The following NINL variants were observed in gnomAD, a reference collection of about 807,000 sequenced individuals.
The protein encoded by NINL is ninein like.
A neutral mutation model predicts 160.3 loss-of-function variants in NINL; 153 were observed. The observed-to-expected ratio is 0.95, with a 90% confidence interval of 0.84 to 1.09. NINL has a LOEUF of 1.09. NINL is among the 50% of genes least tolerant of loss of function. NINL has a pLI of 0.00. For missense variants in NINL, 1,829 were observed against 1,764.0 expected, an observed-to-expected ratio of 1.04 and a Z score of -0.66; for synonymous variants, 800 against 734.8, an observed-to-expected ratio of 1.09 and a Z score of -1.43.
rs889029052 is a variant in NINL at position 25,455,549 on chromosome 20, A to G, written c.3957+124T>C. On this transcript the variant is annotated intron_variant, in intron 23 of 23. Coordinates refer to ENST00000278886, the MANE Select transcript of NINL (RefSeq NM_025176.6). ...TGTGCACCTGCAGTGTAGGGTATAC[A>G]TTTAGTTCCCTGGAATTCTGTGACA... 1.5e-5 allele frequency: 11 copies of G among 715,998 alleles called. No individual in the cohort carries two copies. In the African/African-American group the frequency reaches 1.6e-4, roughly 10 times the overall value. 44.4% of individuals were successfully genotyped at this position (715,998 alleles called of 1,614,324 possible). A position where few individuals can be genotyped will look rare whatever the true frequency, so the allele number is the denominator to read the frequency against.
chr20:25,499,881 T>C (rs903071585), intron 8 of NINL, among the ~76,000 whole-genome samples: 20 of 143,392 alleles, frequency 1.4e-4, no homozygotes, highest in Non-Finnish European at 2.7e-4. Flanking sequence ...AATGCCCAGA[T>C]TTATCATAGG....
intron 18 of NINL, among the ~76,000 whole-genome samples, chr20:25,468,082 A>AC (rs2062961792): frequency 6.6e-6 from 1 of 152,250 alleles, no homozygotes; most frequent in South Asian, 2.1e-4. Context: ...GGGAAAAAAA[A>AC]AGGCCAAACA....
chr20:25,563,841 T>C lies in NINL; in HGVS notation c.-12+21614A>G, dbSNP rs2064971239. 3.3e-5 allele frequency among the ~76,000 whole-genome samples: 5 copies of C among 152,310 alleles called. 1 individual carries two copies. The highest frequency in any genetic ancestry group is 1.2e-4 in the African/African-American group (5 of 41,568). ...GCCAAGAAGACACAGAAATCCTAAA[T>C]GTATACTTGTCCTTAGTGTCAAGAG... On this transcript the variant is annotated intron_variant, in intron 1 of 23. Transcript: ENST00000278886.
intron 1 of NINL, among the ~76,000 whole-genome samples, chr20:25,582,933 A>G (rs2065189775): frequency 1.3e-5 from 2 of 152,378 alleles, no homozygotes; most frequent in Middle Eastern, 3.4e-3. Flanking sequence ...AGCCATATGC[A>G]GTAAACAGAA....
rs1022166017 is a variant in NINL, at chr20:25,584,830, CAG to C, written c.-12+623_-12+624del. 3.3e-5 allele frequency among the ~76,000 whole-genome samples: 5 copies of C among 152,346 alleles called. No individual in the cohort carries two copies. In the South Asian group the frequency reaches 6.2e-4, roughly 19 times the overall value. ...TCGATGATTATGAACCCAACGCGAT[CAG>C]AGACTCCCACATGGTGTGTGTGACT... On this transcript the variant is annotated intron_variant, in intron 1 of 23. Coordinates refer to ENST00000278886, the MANE Select transcript of NINL (RefSeq NM_025176.6).
chr20:25,524,931 G>GTATATA (rs59291392), intron 2 of NINL, among the ~76,000 whole-genome samples: 3 of 146,468 alleles, frequency 2.0e-5, no homozygotes, highest in African/African-American at 7.5e-5. Flanking sequence ...ATATGTGTGT[G>GTATATA]TATATATATA....
At chr20:25,567,284 A>G (rs991846380) in intron 1 of NINL, among the ~76,000 whole-genome samples, 7 of 152,216 alleles carry the variant, frequency 4.6e-5, no homozygotes, top group African/African-American at 1.4e-4. Flanking sequence ...TTCAACAGCT[A>G]TGAGACAATT....
intron 9 of NINL, among the ~76,000 whole-genome samples, chr20:25,497,265 C>G (rs1446466713): frequency 6.6e-6 from 1 of 152,270 alleles, no homozygotes; most frequent in Non-Finnish European, 1.5e-5. Flanking sequence ...CACCAGAGCA[C>G]AACGCAGTGG....
At chr20:25,502,682 A>C (rs1341675561) in intron 7 of NINL, among the ~76,000 whole-genome samples, 1 of 152,010 alleles carries the variant, frequency 6.6e-6, no homozygotes, top group Non-Finnish European at 1.5e-5. Flanking sequence ...CTTAGTACTG[A>C]CCTCATGATA....
chr20:25,461,451 C>T (rs549542302), intron 21 of NINL, 71 bp downstream of exon 21: 15 of 904,710 alleles, frequency 1.7e-5, no homozygotes, highest in African/African-American at 6.8e-5. Flanking sequence ...CTGGCAACAC[C>T]GTTGGCACTG....
At chr20:25,531,299 C>T (rs976327782) in intron 1 of NINL, among the ~76,000 whole-genome samples, 6 of 152,104 alleles carry the variant, frequency 3.9e-5, no homozygotes, top group African/African-American at 1.4e-4. Context: ...ACATGCTCTA[C>T]AAACAATTTG....
At chr20:25,580,101 G>A (rs558513775) in intron 1 of NINL, among the ~76,000 whole-genome samples, 1 of 152,314 alleles carries the variant, frequency 6.6e-6, no homozygotes, top group Admixed American at 6.5e-5. Context: ...GGGAGGCCGA[G>A]GCGGGTGGAT....
chr20:25,455,140 C>T (rs1179095877), intron 23 of NINL, among the ~76,000 whole-genome samples: 1 of 152,134 alleles, frequency 6.6e-6, no homozygotes, highest in Non-Finnish European at 1.5e-5. Flanking sequence ...ACTGAGCCTT[C>T]CAAATGCCAC....
intron 11 of NINL, among the ~76,000 whole-genome samples, chr20:25,490,746 G>A (rs1020333142): frequency 6.6e-6 from 1 of 152,106 alleles, no homozygotes; most frequent in African/African-American, 2.4e-5. Flanking sequence ...CAGTGAGAAG[G>A]GTGGAGAGCA....
intron 5 of NINL, among the ~76,000 whole-genome samples, chr20:25,508,886 C>T (rs1325914729): frequency 3.3e-5 from 5 of 152,222 alleles, no homozygotes; most frequent in African/African-American, 7.2e-5. Context: ...TCAATGCCTC[C>T]GGCCTTCCTC....
In NINL at chr20:25,476,727, T is replaced by TC. The variant is rs771981023; in HGVS notation, c.2563dup (p.Glu855GlyfsTer11). The TC allele has an allele frequency of 1.7e-5, 28 of 1,604,002 alleles. No individual in the cohort carries two copies. The highest frequency in any genetic ancestry group is 2.3e-5 in the Non-Finnish European group (27 of 1,178,610). On this transcript the variant is annotated frameshift_variant, in exon 17 of 24. Coordinates refer to ENST00000278886, the MANE Select transcript of NINL (RefSeq NM_025176.6). LOFTEE classifies it high-confidence loss of function. Reference sequence around the variant, plus strand: ...TGGGGCCAGCCAGGCCAGTGGCCGCTCCCCACAGCCCGGACGCAGTGGTAG... The same window carrying TC: ...TGGGGCCAGCCAGGCCAGTGGCCGCTCCCCCACAGCCCGGACGCAGTGGTAG...
Position 25,575,430 on chromosome 20 carries a change from G to C in NINL, c.-12+10025C>G, listed in dbSNP as rs555157800. ...CCACTACACTCCAGCCTGGGCAACA[G>C]AGCGAGACTCCGTCTCAAAAAAAAA... On this transcript the variant is annotated intron_variant, in intron 1 of 23. Transcript: ENST00000278886. Among the ~76,000 whole-genome samples the C allele has an allele frequency of 7.0e-4, 92 of 131,300 alleles. 2 individuals carry two copies. The South Asian group carries it at 0.019, about 27-fold the overall frequency. The allele number at this position is 131,300 out of a possible 152,430, so 86.1% of individuals were successfully genotyped here.
chr20:25,536,606 C>G (rs2064560382), intron 1 of NINL, among the ~76,000 whole-genome samples: 1 of 152,112 alleles, frequency 6.6e-6, no homozygotes, highest in African/African-American at 2.4e-5. Context: ...AAAATCCCAG[C>G]TACTCAGGAG....
Position 25,453,456 on chromosome 20 carries a change from C to A in NINL, c.4144G>T (p.Val1382Leu), listed in dbSNP as rs1467932410. The change falls in exon 24 of 24, where the codon GTG becomes TTG. Residue 1382 changes from valine to leucine, a missense_variant. Val to Leu is a conservative substitution (Grantham distance 32). Transcript: ENST00000278886. ...VSRIAPAALSV is the reference protein window; with the variant it reads ...VSRIAPAALSL ...TCCTAGAAAATAATCTGTCTTTACA[C>A]AGAGAGGGCTGCGGGGGCAATCCTA... 8.7e-6 allele frequency: 14 copies of A among 1,605,848 alleles called. No homozygotes were observed. Among genetic ancestry groups the A allele is most frequent in the African/African-American group, 1.3e-5 (1 of 74,516 alleles).
Sources: allele counts gnomAD v4.1 joint callset (sites outside exome capture counted in the v4.1 genomes callset), GRCh38; gene constraint gnomAD v4.1.1; transcripts MANE v1.5; gene names NCBI Gene and HGNC (gene_info 2026-07-23, HGNC 2026-07-21).